Variants in HECW1 observed in about 807,000 individuals in gnomAD.
HECW1 encodes the protein E3 ubiquitin-protein ligase HECW1.
In HECW1, 61 loss-of-function variants were observed where a neutral mutation model predicts 182.3. The ratio of observed to expected loss-of-function variants is 0.33; its 90% CI spans 0.27 to 0.41. HECW1 has a LOEUF of 0.41. Ranked by LOEUF, HECW1 falls within the 10% of genes least tolerant of loss-of-function variation. The probability of loss-of-function intolerance (pLI) is 1.00; values close to 1 mark genes in which losing one functional copy is unlikely to be tolerated. For missense variants in HECW1, 1,739 were observed against 2,108.9 expected (o/e 0.82, Z 3.44); for synonymous variants, 859 against 832.6 (o/e 1.03, Z -0.55).
chr7:43,199,292 G>C (rs1374320495), intron 2 of HECW1, among the ~76,000 whole-genome samples: 1 of 152,168 alleles, frequency 6.6e-6, no homozygotes, highest in Non-Finnish European at 1.5e-5. Context: ...CTAATCAGTA[G>C]CAAAGTATAT....
chr7:43,508,260 T>C, intron 23 of HECW1, 129 bp downstream of exon 23: 1 of 596,740 alleles, frequency 1.7e-6, no homozygotes, highest in Non-Finnish European at 3.0e-6. Flanking sequence ...TCTGATCACA[T>C]TCTCCCAGGA....
At chr7:43,286,321 A>T (rs1187219147) in intron 3 of HECW1, among the ~76,000 whole-genome samples, 1 of 152,168 alleles carries the variant, frequency 6.6e-6, no homozygotes. Context: ...TGCCATCAAG[A>T]CTGCCCAAGC....
At chr7:43,543,257 C>T (rs2081427022) in intron 26 of HECW1, among the ~76,000 whole-genome samples, 1 of 152,168 alleles carries the variant, frequency 6.6e-6, no homozygotes, top group African/African-American at 2.4e-5. Flanking sequence ...AGAGGTGCCT[C>T]ACATCAATGT....
chr7:43,227,637 G>C (rs1797543756), intron 2 of HECW1, among the ~76,000 whole-genome samples: 1 of 151,930 alleles, frequency 6.6e-6, no homozygotes, highest in Admixed American at 6.6e-5. Context: ...CTATTTTTCT[G>C]TTAATTGACA....
chr7:43,308,140 TTATA>T, intron 3 of HECW1, among the ~76,000 whole-genome samples: 1 of 104,856 alleles, frequency 9.5e-6, no homozygotes, highest in East Asian at 2.3e-4. Context: ...ATATAATATA[TTATA>T]TTATATATTA....
chr7:43,322,971 T>C (rs1810324569), intron 5 of HECW1, among the ~76,000 whole-genome samples: 1 of 152,156 alleles, frequency 6.6e-6, no homozygotes, highest in Admixed American at 6.5e-5. Flanking sequence ...GTCCAGAAGA[T>C]AAATATTAAG....
intron 11 of HECW1, among the ~76,000 whole-genome samples, chr7:43,446,299 A>G (rs767666): frequency 0.82 from 124,987 of 152,166 alleles, 51,423 homozygotes; most frequent in East Asian, 0.86. Context: ...TGTTTTAACC[A>G]AAGATGTTCT....
intron 3 of HECW1, among the ~76,000 whole-genome samples, chr7:43,288,559 C>T (rs1331048815): frequency 6.6e-6 from 1 of 152,180 alleles, no homozygotes; most frequent in Non-Finnish European, 1.5e-5. Flanking sequence ...CCCCGCTCTC[C>T]ACTCACTCAT....
chr7:43,364,426 T>A (rs1277909995), intron 6 of HECW1, among the ~76,000 whole-genome samples: 1 of 152,242 alleles, frequency 6.6e-6, no homozygotes, highest in Non-Finnish European at 1.5e-5. Context: ...ATAAGCCCTG[T>A]CACTGAGAAC....
chr7:43,459,534 G>A (rs984174117), intron 13 of HECW1, among the ~76,000 whole-genome samples: 1 of 151,766 alleles, frequency 6.6e-6, no homozygotes, highest in Non-Finnish European at 1.5e-5. Context: ...CTACCCCAAG[G>A]ATGATTTAGT....
intron 3 of HECW1, among the ~76,000 whole-genome samples, chr7:43,299,238 G>A (rs1806430464): frequency 6.6e-6 from 1 of 152,218 alleles, no homozygotes; most frequent in Non-Finnish European, 1.5e-5. Context: ...GGAATTTAAT[G>A]TGAACCTATA....
rs781713887 is a variant in HECW1, at chr7:43,360,975, G to A, written c.550G>A (p.Ala184Thr). The change falls in exon 6 of 30, where the codon GCT becomes ACT. Residue 184 changes from alanine (A) to threonine (T), a missense_variant. By Grantham distance (58) the Ala-to-Thr change is moderately conservative (BLOSUM62 0). This residue lies in a region of HECW1 where 279 missense variants were observed against 353.1 expected (regional missense o/e 0.79). Transcript: ENST00000395891. ...CAGTGTCACGGTCAAAAACTCGGCA[G>A]CTCCTGTAAGTCTCATTTCTCCGTC... ...TPSVTVKNSA[A>T]PIFKSIGADE... 1.9e-5 allele frequency: 30 copies of A among 1,607,152 alleles called. No homozygotes were observed. In the South Asian group the frequency reaches 3.1e-4, roughly 17 times the overall value.
intron 7 of HECW1, 72 bp downstream of exon 7, chr7:43,396,961 A>T: frequency 6.5e-6 from 7 of 1,069,290 alleles, no homozygotes; most frequent in Non-Finnish European, 8.7e-6. Flanking sequence ...ACTCACTTCC[A>T]TTTCACTCTT....
chr7:43,159,678 CT>C (rs36117153), intron 2 of HECW1, among the ~76,000 whole-genome samples: 2,590 of 123,716 alleles, frequency 0.021, 44 homozygotes, highest in African/African-American at 0.071. Flanking sequence ...TTCCTTGTAT[CT>C]TTTTTTTTTT....
At chr7:43,365,530 A>G (rs768117530) in intron 6 of HECW1, among the ~76,000 whole-genome samples, 26 of 152,194 alleles carry the variant, frequency 1.7e-4, no homozygotes, top group Admixed American at 3.3e-4. Flanking sequence ...GTAGTCAAAG[A>G]TGTATTTCTT....
chr7:43,131,661 T>C (rs1172417112), intron 2 of HECW1, among the ~76,000 whole-genome samples: 1 of 152,220 alleles, frequency 6.6e-6, no homozygotes, highest in Non-Finnish European at 1.5e-5. Flanking sequence ...ACATATATTG[T>C]ATTCCAACCC....
chr7:43,132,230 T>C (rs1160945695), intron 2 of HECW1, among the ~76,000 whole-genome samples: 1 of 151,926 alleles, frequency 6.6e-6, no homozygotes, highest in African/African-American at 2.4e-5. Flanking sequence ...CTATATATTA[T>C]AGATGTTAAC....
rs1325760396 is a variant in HECW1, at chr7:43,466,535, C to T, written c.2880C>T (p.Asn960=). The change falls in exon 15 of 30, where the codon AAC becomes AAT. Residue 960 remains asparagine, a synonymous_variant. Coordinates refer to ENST00000395891, the MANE Select transcript of HECW1 (RefSeq NM_015052.5). ...LQSPAVKFIT[N]PEFFTVLHAN... ...CCCCAGCGGTCAAGTTCATCACCAA[C>T]CCCGAGTTCTTCACTGTGCTACATG... 2.5e-6 allele frequency: 4 copies of T among 1,613,692 alleles called. No homozygotes were observed. The highest frequency in any genetic ancestry group is 2.2e-5 in the East Asian group (1 of 44,878).
At chr7:43,168,367 G>A (rs2152664623) in intron 2 of HECW1, among the ~76,000 whole-genome samples, 1 of 152,296 alleles carries the variant, frequency 6.6e-6, no homozygotes, top group East Asian at 1.9e-4. Flanking sequence ...CATCTCATAT[G>A]TATGTGCCAG....
Sources: allele counts gnomAD v4.1 joint callset (sites outside exome capture counted in the v4.1 genomes callset), GRCh38; gene constraint gnomAD v4.1.1; regional missense constraint gnomAD v4.1.1; transcripts MANE v1.5; gene names NCBI Gene and HGNC (gene_info 2026-07-23, HGNC 2026-07-21).